Variants in DSCAM observed in about 807,000 individuals in gnomAD.
DSCAM encodes the protein cell adhesion molecule DSCAM.
In DSCAM, 47 loss-of-function variants were observed where a neutral mutation model predicts 217.7. The observed-to-expected ratio is 0.22, with a 90% CI of 0.17 to 0.28. The LOEUF is 0.28. DSCAM is among the 10% of genes least tolerant of loss of function. DSCAM has a pLI of 1.00. For missense variants in DSCAM, 2,080 were observed against 2,618.3 expected (o/e 0.79, Z 4.49); for synonymous variants, 1,056 against 1,015.3 (o/e 1.04, Z -0.76).
At chr21:40,666,002 G>T (rs1294386534) in intron 3 of DSCAM, among the ~76,000 whole-genome samples, 1 of 151,778 alleles carries the variant, frequency 6.6e-6, no homozygotes, top group Non-Finnish European at 1.5e-5. Context: ...TTTGGTAAAT[G>T]TCTCTCCTGG....
chr21:40,496,048 T>C (rs2076115820), intron 3 of DSCAM, among the ~76,000 whole-genome samples: 1 of 152,076 alleles, frequency 6.6e-6, no homozygotes, highest in Non-Finnish European at 1.5e-5. Context: ...AATTGAAAAA[T>C]ATTCTATGTT....
At chr21:40,676,995 A>G (rs1211268995) in intron 3 of DSCAM, among the ~76,000 whole-genome samples, 1 of 152,126 alleles carries the variant, frequency 6.6e-6, no homozygotes, top group Non-Finnish European at 1.5e-5. Flanking sequence ...GGCTTTTTCA[A>G]TGATAGGGTT....
Position 40,361,337 on chromosome 21 carries a change from T to C in DSCAM, c.656-7594A>G, listed in dbSNP as rs572189143. Among the ~76,000 whole-genome samples the C allele has an allele frequency of 1.8e-3, 272 of 152,182 alleles. 2 individuals carry two copies. Among genetic ancestry groups the C allele is most frequent in the African/African-American group, 5.0e-3 (209 of 41,534 alleles). On this transcript the variant is annotated intron_variant, in intron 4 of 32. Transcript: ENST00000400454. ...AGTATATGCAACAAAAGGGAAACTA[T>C]AGGCTGGGTGCAGCGGCTCACGCCT...
chr21:40,241,799 T>C (rs1181750355), intron 11 of DSCAM, among the ~76,000 whole-genome samples: 3 of 152,210 alleles, frequency 2.0e-5, no homozygotes, highest in Admixed American at 6.5e-5. Flanking sequence ...ATATACACCA[T>C]GGAATACCAT....
chr21:40,578,960 T>C (rs1006697404), intron 3 of DSCAM, among the ~76,000 whole-genome samples: 1 of 152,220 alleles, frequency 6.6e-6, no homozygotes, highest in Non-Finnish European at 1.5e-5. Context: ...AGATGTATAA[T>C]ACAACTTGAT....
At chr21:40,754,638 G>A (rs1318717887) in intron 1 of DSCAM, among the ~76,000 whole-genome samples, 1 of 152,146 alleles carries the variant, frequency 6.6e-6, no homozygotes. Flanking sequence ...TCAATCTCAG[G>A]CACTTTCACC....
rs78685464 is a variant in DSCAM at position 40,521,628 on chromosome 21, C to T, written c.509-152383G>A. 4.5e-3 allele frequency among the ~76,000 whole-genome samples: 670 copies of T among 149,250 alleles called. 4 individuals are homozygous for T. The highest frequency in any genetic ancestry group is 0.025 in the Middle Eastern group (7 of 280). Reference sequence around the variant, plus strand: ...TTCCTTATGTATTCTGAATATTAACCCCTCAAATACCACGTTTTCACTCAT... The same window carrying T: ...TTCCTTATGTATTCTGAATATTAACTCCTCAAATACCACGTTTTCACTCAT... On this transcript the variant is annotated intron_variant, in intron 3 of 32. Coordinates refer to ENST00000400454, the MANE Select transcript of DSCAM (RefSeq NM_001389.5).
chr21:40,113,146 A>G (rs1295516354), intron 20 of DSCAM, among the ~76,000 whole-genome samples: 1 of 152,218 alleles, frequency 6.6e-6, no homozygotes, highest in Non-Finnish European at 1.5e-5. Flanking sequence ...TCCCTGATGA[A>G]CATCGATGCA....
rs530651059 is a variant in DSCAM at position 40,053,798 on chromosome 21, G to T, written c.5036-1691C>A. Among the ~76,000 whole-genome samples, 3 of 151,868 alleles carry T rather than the reference G, an allele frequency of 2.0e-5. No homozygotes were observed. In the East Asian group the frequency reaches 5.8e-4, roughly 29 times the overall value. On this transcript the variant is annotated intron_variant, in intron 29 of 32. Transcript: ENST00000400454. ...TGGAAATGACTGGCAGGCTTCCTCT[G>T]GTGTTAAGCCCCCCAGTGACCAGCT...
At chr21:40,609,662 G>T (rs143509317) in intron 3 of DSCAM, among the ~76,000 whole-genome samples, 2 of 152,362 alleles carry the variant, frequency 1.3e-5, no homozygotes, top group Admixed American at 1.3e-4. Flanking sequence ...GATGACTCAG[G>T]AAGGGGAGAG....
chr21:40,030,187 CCCTCCCTCTCAG>C (rs1444935130), intron 32 of DSCAM, among the ~76,000 whole-genome samples: 5 of 152,158 alleles, frequency 3.3e-5, no homozygotes, highest in Non-Finnish European at 1.5e-5. Context: ...AAGGCTTGCT[CCCTCCCTCTCAG>C]CCTCCCTGCT....
chr21:40,825,427 C>T (rs773306069), intron 1 of DSCAM, among the ~76,000 whole-genome samples: 2 of 152,082 alleles, frequency 1.3e-5, no homozygotes, highest in African/African-American at 2.4e-5. Context: ...AAGTGATTCT[C>T]CTGCCTCAGC....
At chr21:40,131,322 G>A (rs1045185932) in intron 19 of DSCAM, among the ~76,000 whole-genome samples, 5 of 152,196 alleles carry the variant, frequency 3.3e-5, no homozygotes, top group African/African-American at 1.2e-4. Context: ...AAAAGTGGTT[G>A]ACACAATTCT....
chr21:40,456,167 C>T (rs1488761117), intron 3 of DSCAM, among the ~76,000 whole-genome samples: 1 of 151,576 alleles, frequency 6.6e-6, no homozygotes, highest in East Asian at 1.9e-4. Context: ...TGCAAGAAGG[C>T]TTGAATATGC....
At chr21:40,122,372 T>C (rs928848589) in intron 20 of DSCAM, among the ~76,000 whole-genome samples, 2 of 152,216 alleles carry the variant, frequency 1.3e-5, no homozygotes, top group Non-Finnish European at 2.9e-5. Flanking sequence ...AGGTGCTTTC[T>C]AGCCTGTTAG....
At chr21:40,272,479 C>A (rs2073631701) in intron 11 of DSCAM, among the ~76,000 whole-genome samples, 1 of 152,122 alleles carries the variant, frequency 6.6e-6, no homozygotes, top group African/African-American at 2.4e-5. Context: ...ATAACAACAA[C>A]AAAAAGATGT....
At chr21:40,272,625 A>G (rs962840572) in intron 11 of DSCAM, among the ~76,000 whole-genome samples, 3 of 152,190 alleles carry the variant, frequency 2.0e-5, no homozygotes, top group Non-Finnish European at 4.4e-5. Flanking sequence ...AGCCCCCAGA[A>G]GCAGGTCCTA....
intron 8 of DSCAM, among the ~76,000 whole-genome samples, chr21:40,335,943 C>A (rs560757125): frequency 6.6e-5 from 10 of 152,266 alleles, no homozygotes; most frequent in African/African-American, 2.4e-4. Context: ...GATGACTATT[C>A]ATTGTACTGT....
intron 11 of DSCAM, among the ~76,000 whole-genome samples, chr21:40,202,090 TGATATCACCAG>T (rs1568997204): frequency 6.6e-6 from 1 of 152,154 alleles, no homozygotes; most frequent in Non-Finnish European, 1.5e-5. Context: ...AAGCCTGCCA[TGATATCACCAG>T]GATACCCATG....
Sources: allele counts gnomAD v4.1 joint callset (sites outside exome capture counted in the v4.1 genomes callset), GRCh38; gene constraint gnomAD v4.1.1; transcripts MANE v1.5; gene names NCBI Gene and HGNC (gene_info 2026-07-23, HGNC 2026-07-21).